Variants in ANO7 observed in about 807,000 individuals in gnomAD.
ANO7 encodes the protein anoctamin 7.
A neutral mutation model predicts 115.8 loss-of-function variants in ANO7; 114 were observed. That is an observed-to-expected ratio of 0.98 (90% confidence interval 0.85 to 1.15). ANO7 has a LOEUF of 1.15. Ranked by LOEUF, ANO7 falls within the 50% of genes most tolerant of loss-of-function variation. The probability of loss-of-function intolerance (pLI) is 0.00; values close to 1 mark genes in which losing one functional copy is unlikely to be tolerated. For synonymous variants in ANO7, 550 were observed against 498.2 expected (o/e 1.10, Z -1.38); for missense variants, 1,302 against 1,201.2 (o/e 1.08, Z -1.24).
intron 6 of ANO7, 147 bp from the exon 7 acceptor site, chr2:241,201,151 G>A (rs763384536): frequency 7.5e-5 from 63 of 837,318 alleles, no homozygotes; most frequent in Non-Finnish European, 1.1e-4. Context: ...GGCTGTGTCC[G>A]CAGGCCTGTG....
In ANO7 at chr2:241,210,412, C is replaced by T. The variant is rs1215246769; in HGVS notation, c.1458+19C>T. The T allele has an allele frequency of 2.5e-6, 4 of 1,613,862 alleles. No individual in the cohort carries two copies. The highest frequency in any genetic ancestry group is 3.4e-6 in the Non-Finnish European group (4 of 1,179,928). ...AGCCTGGGTGAGCCTCTGCTGCCTGCCTCGGGGGGCCCTGAGCGGCCCCTC... is the reference window on the plus strand; with the variant it reads ...AGCCTGGGTGAGCCTCTGCTGCCTGTCTCGGGGGGCCCTGAGCGGCCCCTC... On this transcript the variant is annotated intron_variant, in intron 14 of 24. Transcript: ENST00000674324.
At chr2:241,199,511 G>T in intron 5 of ANO7, 88 bp downstream of exon 5, 1 of 1,362,986 alleles carries the variant, frequency 7.3e-7, no homozygotes. Flanking sequence ...AGCCTCAGGA[G>T]GGCTCCCTGC....
At chr2:241,234,784 C>T in the ANO7 span, among the ~76,000 whole-genome samples, 54 of 152,218 alleles carry the variant, frequency 3.5e-4, no homozygotes, top group Non-Finnish European at 6.6e-4. Flanking sequence ...CCCCGATGCT[C>T]GTCCTCACTG....
chr2:241,209,191 G>A (rs1343558923), intron 11 of ANO7, 94 bp from the exon 12 acceptor site: 2 of 1,367,676 alleles, frequency 1.5e-6, no homozygotes, highest in South Asian at 1.4e-5. Flanking sequence ...ATGTGTGTGG[G>A]ATGCACACTC....
intron 17 of ANO7, among the ~76,000 whole-genome samples, chr2:241,214,221 G>A (rs1355252050): frequency 2.0e-5 from 3 of 152,256 alleles, no homozygotes; most frequent in Non-Finnish European, 4.4e-5. Context: ...GGAGGTGGAG[G>A]CTGCAGGGAG....
At chr2:241,196,959 C>T (rs897640498) in intron 4 of ANO7, among the ~76,000 whole-genome samples, 2 of 152,148 alleles carry the variant, frequency 1.3e-5, no homozygotes, top group African/African-American at 4.8e-5. Context: ...CAACCACTCC[C>T]CACGTGGTGG....
At chr2:241,205,775 GACAGGTGGACAGGAGTGCTCCCAGT>G in intron 10 of ANO7, among the ~76,000 whole-genome samples, 1 of 67,170 alleles carries the variant, frequency 1.5e-5, no homozygotes, top group African/African-American at 6.6e-5. Context: ...CTCCCAGTCT[GACAGGTGGACAGGAGTGCTCCCAGT>G]CTGACAGGTG....
the ANO7 span, among the ~76,000 whole-genome samples, chr2:241,237,836 T>G: frequency 6.6e-6 from 1 of 152,210 alleles, no homozygotes; most frequent in African/African-American, 2.4e-5. Context: ...ACCACTGAAG[T>G]GTAAAACATA....
chr2:241,235,402 C>A, the ANO7 span: 2 of 1,469,644 alleles, frequency 1.4e-6, no homozygotes, highest in South Asian at 1.2e-5. Flanking sequence ...GAGGCAGAGT[C>A]AACAGGAAGT....
intron 16 of ANO7, 144 bp from the exon 17 acceptor site, chr2:241,212,428 C>A: frequency 9.8e-7 from 1 of 1,024,918 alleles, no homozygotes; most frequent in Non-Finnish European, 1.5e-6. Flanking sequence ...CACAGGAGGC[C>A]CAGCTCACAA....
chr2:241,226,240 A>G (rs915253744), downstream of ANO7, among the ~76,000 whole-genome samples: 1 of 151,728 alleles, frequency 6.6e-6, no homozygotes. Flanking sequence ...GGAACTGGGG[A>G]CTTTGCATTT....
In ANO7 at chr2:241,224,148, C is replaced by T. The variant is rs1043090527; in HGVS notation, c.2635C>T (p.Gln879Ter). 2 of 1,599,760 alleles carry T rather than the reference C, an allele frequency of 1.3e-6. No homozygotes were observed. Among genetic ancestry groups the T allele is most frequent in the African/African-American group, 2.7e-5 (2 of 74,904 alleles). ...GGTTCCCAAGGCCAGCCAGCTGCAGCAGTGACGCCTGGAAGGACATCTGGT... is the reference window on the plus strand; with the variant it reads ...GGTTCCCAAGGCCAGCCAGCTGCAGTAGTGACGCCTGGAAGGACATCTGGT... ...FTVPKASQLQQ is the reference protein window; with the variant it reads ...FTVPKASQLQ Residue 879 changes from glutamine to a stop codon, truncating the protein, a stop_gained, in exon 25 of 25, where the codon CAG becomes TAG. Transcript: ENST00000674324. LOFTEE classifies it high-confidence loss of function.
At chr2:241,193,619 A>C (rs914067348) in intron 3 of ANO7, among the ~76,000 whole-genome samples, 2 of 152,142 alleles carry the variant, frequency 1.3e-5, no homozygotes, top group Non-Finnish European at 1.5e-5. Context: ...AATATATTCT[A>C]TCCTCTGAGA....
chr2:241,235,603 A>G, the ANO7 span: 21 of 1,603,670 alleles, frequency 1.3e-5, no homozygotes, highest in African/African-American at 1.3e-4. Flanking sequence ...GCCTGCAGGG[A>G]GGATGGTCAT....
chr2:241,209,627 G>C lies in ANO7; in HGVS notation c.1351G>C (p.Val451Leu), dbSNP rs748178998. Residue 451 changes from valine (V) to leucine (L), a missense_variant, in exon 13 of 25, where the codon GTG (valine) becomes CTG (leucine). Transcript: ENST00000674324. Reference sequence around the variant, plus strand: ...CATGCTGGCCGGCTCTGTGGTGATCGTGGTGATGGTATGCGGTCCCCCTGC... The same window carrying C: ...CATGCTGGCCGGCTCTGTGGTGATCCTGGTGATGGTATGCGGTCCCCCTGC... ...RRMLAGSVVI[V>L]VMVAVVVMCL... 6.4e-7 allele frequency: 1 copy of C among 1,558,298 alleles called. No homozygotes were observed. The highest frequency in any genetic ancestry group is 1.4e-5 in the African/African-American group (1 of 73,480).
the ANO7 span, chr2:241,235,340 G>C: frequency 4.3e-5 from 67 of 1,572,514 alleles, no homozygotes; most frequent in South Asian, 5.7e-5. Flanking sequence ...GAAGTGGTGA[G>C]AGGGAAGGCC....
At chr2:241,196,193 T>A in intron 4 of ANO7, 2 of 1,196,268 alleles carry the variant, frequency 1.7e-6, no homozygotes, top group Non-Finnish European at 2.1e-6. Flanking sequence ...ACTCTCAGTG[T>A]GCTTATAGAA....
chr2:241,196,162 G>T (rs1039071813), intron 4 of ANO7: 1 of 1,292,398 alleles, frequency 7.7e-7, no homozygotes, highest in African/African-American at 1.5e-5. Context: ...CTTTTGGGTA[G>T]GCGTGTCATT....
At chr2:241,234,858 T>A in the ANO7 span, among the ~76,000 whole-genome samples, 61 of 152,246 alleles carry the variant, frequency 4.0e-4, no homozygotes, top group Non-Finnish European at 6.5e-4. Flanking sequence ...GGTACCACTC[T>A]GATTTGGTTT....
Sources: gnomAD v4.1 joint callset for allele counts (sites outside exome capture counted in the v4.1 genomes callset) on GRCh38, gnomAD v4.1.1 for gene constraint, MANE v1.5 for transcripts, NCBI Gene and HGNC (gene_info 2026-07-23, HGNC 2026-07-21) for gene names.